SPECC1: variants seen among roughly 807,000 people sequenced by gnomAD.
SPECC1 encodes the protein cytospin-B.
Under a neutral mutation model 104.1 loss-of-function variants are expected in SPECC1, and 62 were observed. The ratio of observed to expected loss-of-function variants is 0.60; its 90% CI spans 0.49 to 0.74. The LOEUF (loss-of-function observed/expected upper bound fraction) is 0.74, where lower values mean the gene tolerates loss of function less well. Ranked by LOEUF, SPECC1 falls within the 30% of genes least tolerant of loss-of-function variation. The pLI, the probability that SPECC1 is intolerant of heterozygous loss-of-function variation, is 0.00. For synonymous variants in SPECC1, 513 were observed against 501.6 expected (o/e 1.02, Z -0.30); for missense variants, 1,306 against 1,310.5 (o/e 1.00, Z 0.05).
rs2081026183 is a variant in SPECC1 at position 20,314,154 on chromosome 17, C to T, written c.*89C>T. ...TACTGTCCACTGACCCTGCTCTGCCCACCACCCAGCTGCCTAGACTTCAAA... is the reference window on the plus strand; with the variant it reads ...TACTGTCCACTGACCCTGCTCTGCCTACCACCCAGCTGCCTAGACTTCAAA... On this transcript the variant is annotated 3_prime_UTR_variant, in exon 15 of 15. Transcript: ENST00000395527. 1 of 1,104,594 alleles carries T rather than the reference C, an allele frequency of 9.1e-7. No individual in the cohort carries two copies. The highest frequency in any genetic ancestry group is 1.5e-5 in the African/African-American group (1 of 65,146). The allele number at this position is 1,104,594 out of a possible 1,614,324, so 68.4% of individuals were successfully genotyped here.
chr17:20,060,714 CTAAT>C lies in SPECC1; in HGVS notation c.-21-35915_-21-35912del, dbSNP rs1410483407. ...TTAGTTCCAGTCAATAGTGAGCCTC[CTAAT>C]TGTTCAGAGTTGTATTTATGCCACT... is the stretch of plus-strand genomic sequence containing the variant. On this transcript the variant is annotated intron_variant, in intron 1 of 14. Transcript: ENST00000395527. Among the ~76,000 whole-genome samples the C allele has an allele frequency of 5.3e-5, 8 of 152,262 alleles. No individual in the cohort carries two copies. In the East Asian group the frequency reaches 1.5e-3, roughly 29 times the overall value.
chr17:20,056,112 T>G (rs2045954521), intron 1 of SPECC1, among the ~76,000 whole-genome samples: 2 of 152,232 alleles, frequency 1.3e-5, no homozygotes, highest in Admixed American at 1.3e-4. Flanking sequence ...CTTAGTAGCA[T>G]CTTTAAAAGA....
At chr17:20,301,925 C>CA (rs1386821503) in intron 13 of SPECC1, among the ~76,000 whole-genome samples, 1 of 152,202 alleles carries the variant, frequency 6.6e-6, no homozygotes, top group Non-Finnish European at 1.5e-5. Flanking sequence ...AGGCTGGTCT[C>CA]AAACTCCTGA....
chr17:20,199,718 G>A (rs1466223513), intron 3 of SPECC1, among the ~76,000 whole-genome samples: 3 of 152,048 alleles, frequency 2.0e-5, no homozygotes, highest in Non-Finnish European at 4.4e-5. Flanking sequence ...TGTACTGATT[G>A]ACATTCTCAC....
chr17:20,258,890 C>A (rs1031217780), intron 11 of SPECC1, among the ~76,000 whole-genome samples: 1 of 152,182 alleles, frequency 6.6e-6, no homozygotes, highest in African/African-American at 2.4e-5. Flanking sequence ...AACACTGTTG[C>A]ACAGTACATG....
At chr17:20,057,635 C>T (rs1489122398) in intron 1 of SPECC1, 1 of 152,010 alleles carries the variant, frequency 6.6e-6, no homozygotes, top group Non-Finnish European at 1.5e-5. Flanking sequence ...GGATTACAAG[C>T]ATCTGCCACC....
At chr17:20,161,672 A>G (rs1212294261) in intron 3 of SPECC1, among the ~76,000 whole-genome samples, 1 of 151,822 alleles carries the variant, frequency 6.6e-6, no homozygotes. Flanking sequence ...TTTTAAAATT[A>G]ATATGCTTTT....
chr17:20,087,123 G>A (rs1257390217), intron 1 of SPECC1: 1 of 152,138 alleles, frequency 6.6e-6, no homozygotes, highest in Non-Finnish European at 1.5e-5. Flanking sequence ...ACTTTACAAA[G>A]CATTTATTAA....
intron 1 of SPECC1, among the ~76,000 whole-genome samples, chr17:20,026,631 C>A (rs2044609692): frequency 6.6e-6 from 1 of 152,118 alleles, no homozygotes; most frequent in Non-Finnish European, 1.5e-5. Context: ...TCTTTAATGG[C>A]TGAATAGTAT....
chr17:20,221,700 C>G (rs1317484935), intron 4 of SPECC1, among the ~76,000 whole-genome samples: 1 of 151,656 alleles, frequency 6.6e-6, no homozygotes, highest in Admixed American at 6.6e-5. Flanking sequence ...TTCATTTGCT[C>G]TTGCTTTTCT....
At chr17:20,035,876 A>C (rs1041293506) in intron 1 of SPECC1, among the ~76,000 whole-genome samples, 1 of 151,936 alleles carries the variant, frequency 6.6e-6, no homozygotes, top group African/African-American at 2.4e-5. Flanking sequence ...TCTCTCACCC[A>C]GGCTGGAGTG....
At chr17:20,116,039 T>C (rs953164792) in intron 3 of SPECC1, among the ~76,000 whole-genome samples, 3 of 152,212 alleles carry the variant, frequency 2.0e-5, no homozygotes, top group African/African-American at 7.2e-5. Context: ...GTTCTGTATG[T>C]GGCTAGTTGT....
At chr17:20,051,689 C>T (rs912641245) in intron 1 of SPECC1, among the ~76,000 whole-genome samples, 1 of 151,816 alleles carries the variant, frequency 6.6e-6, no homozygotes, top group Non-Finnish European at 1.5e-5. Context: ...AAGGATCTTG[C>T]TTTTATTGAG....
chr17:20,142,436 G>T (rs957349318), intron 3 of SPECC1, among the ~76,000 whole-genome samples: 26 of 152,290 alleles, frequency 1.7e-4, no homozygotes, highest in African/African-American at 5.8e-4. Flanking sequence ...ATCAACAGAT[G>T]CGTAGATCAA....
At chr17:20,165,316 T>C (rs1246982736) in intron 3 of SPECC1, among the ~76,000 whole-genome samples, 3 of 152,222 alleles carry the variant, frequency 2.0e-5, no homozygotes, top group Non-Finnish European at 4.4e-5. Flanking sequence ...TGTTTGGTTT[T>C]CTGTTCCTGT....
chr17:20,177,908 C>T (rs1002991331), intron 3 of SPECC1, among the ~76,000 whole-genome samples: 2 of 152,078 alleles, frequency 1.3e-5, no homozygotes, highest in Non-Finnish European at 2.9e-5. Flanking sequence ...CGGGGTTTCA[C>T]CATGTTGGCC....
At chr17:20,227,092 C>T (rs1467156774) in intron 4 of SPECC1, among the ~76,000 whole-genome samples, 1 of 152,098 alleles carries the variant, frequency 6.6e-6, no homozygotes, top group African/African-American at 2.4e-5. Context: ...AGATTCCCTC[C>T]TGCTTGTAGG....
chr17:20,314,318 A>G lies in SPECC1; in HGVS notation c.*253A>G. 2.0e-6 allele frequency: 1 copy of G among 498,198 alleles called. No homozygotes were observed. The highest frequency in any genetic ancestry group is 3.7e-6 in the Non-Finnish European group (1 of 273,596). The allele number at this position is 498,198 out of a possible 1,614,324, so 30.9% of individuals were successfully genotyped here. On this transcript the variant is annotated 3_prime_UTR_variant, in exon 15 of 15. Coordinates refer to ENST00000395527, the MANE Select transcript of SPECC1 (RefSeq NM_001243439.2). The stretch of plus-strand genomic sequence containing the variant: ...CTTGTGGGATGCTTCTAAAGAGGGC[A>G]GCCTCCCTCCTTCCAGACCAAGACC...
intron 1 of SPECC1, among the ~76,000 whole-genome samples, chr17:20,020,357 ACAGAGTCTTACTCTGTCACC>A (rs367896034): frequency 1.0e-3 from 152 of 151,406 alleles, no homozygotes; most frequent in African/African-American, 3.5e-3. Flanking sequence ...TTTTTTTGAG[ACAGAGTCTTACTCTGTCACC>A]CAGGCTGGAG....
Sources: allele counts gnomAD v4.1 joint callset (sites outside exome capture counted in the v4.1 genomes callset), GRCh38; gene constraint gnomAD v4.1.1; transcripts MANE v1.5; gene names NCBI Gene and HGNC (gene_info 2026-07-23, HGNC 2026-07-21).